Variants in KLHL1 observed in about 807,000 individuals in gnomAD.
The protein encoded by KLHL1 is kelch-like protein 1.
KLHL1 carries 47 observed loss-of-function variants against 77.7 expected under a neutral mutation model. The ratio of observed to expected loss-of-function variants is 0.60; its 90% CI spans 0.48 to 0.77. KLHL1 has a LOEUF of 0.77. Ranked by LOEUF, KLHL1 falls within the 30% of genes least tolerant of loss-of-function variation. The pLI, the probability that KLHL1 is intolerant of heterozygous loss-of-function variation, is 0.00. For missense variants in KLHL1, 925 were observed against 910.8 expected (o/e 1.02, Z -0.20); for synonymous variants, 360 against 325.2 (o/e 1.11, Z -1.15).
chr13:69,880,613 AAC>A (rs1880951521), intron 5 of KLHL1, among the ~76,000 whole-genome samples: 1 of 152,148 alleles, frequency 6.6e-6, no homozygotes. Flanking sequence ...TAGCCTTAGG[AAC>A]AAAAAAGCCA....
intron 4 of KLHL1, among the ~76,000 whole-genome samples, chr13:69,916,865 CAAA>C (rs1183904585): frequency 6.6e-6 from 1 of 150,944 alleles, no homozygotes; most frequent in Non-Finnish European, 1.5e-5. Context: ...TATTAAAAAA[CAAA>C]GAATCTTATC....
chr13:69,905,186 C>G (rs1037246203), intron 4 of KLHL1, among the ~76,000 whole-genome samples: 1 of 152,092 alleles, frequency 6.6e-6, no homozygotes, highest in Non-Finnish European at 1.5e-5. Context: ...CCTAGTCCAA[C>G]AGAATGTAAT....
chr13:70,065,325 C>G (rs6562608), intron 1 of KLHL1, among the ~76,000 whole-genome samples: 52,378 of 152,004 alleles, frequency 0.34, 10,094 homozygotes, highest in African/African-American at 0.53. Context: ...TTGCCTATAA[C>G]AGATGACAGT....
chr13:69,940,517 A>G (rs1321918654), intron 3 of KLHL1, among the ~76,000 whole-genome samples: 1 of 152,134 alleles, frequency 6.6e-6, no homozygotes, highest in Non-Finnish European at 1.5e-5. Flanking sequence ...TGATTGTGAA[A>G]TAAGGAAAAT....
intron 5 of KLHL1, among the ~76,000 whole-genome samples, chr13:69,851,505 T>C (rs2138132385): frequency 6.6e-6 from 1 of 151,950 alleles, no homozygotes; most frequent in South Asian, 2.1e-4. Context: ...GGAGACATTT[T>C]TGACTTTAGA....
intron 3 of KLHL1, among the ~76,000 whole-genome samples, chr13:69,956,969 G>C (rs1183994717): frequency 6.6e-6 from 1 of 151,612 alleles, no homozygotes; most frequent in African/African-American, 2.4e-5. Flanking sequence ...GAGGTGATTT[G>C]AACATAGAGT....
chr13:69,744,302 A>G (rs1489913690), intron 7 of KLHL1, among the ~76,000 whole-genome samples: 2 of 152,092 alleles, frequency 1.3e-5, no homozygotes, highest in African/African-American at 4.8e-5. Context: ...GGATGGGCTT[A>G]TCATTGGCTT....
At chr13:69,890,067 G>C (rs1352496537) in intron 4 of KLHL1, among the ~76,000 whole-genome samples, 4 of 151,936 alleles carry the variant, frequency 2.6e-5, no homozygotes, top group Non-Finnish European at 5.9e-5. Context: ...AAAAAGAAAG[G>C]CTCTGGCCTT....
intron 4 of KLHL1, among the ~76,000 whole-genome samples, chr13:69,937,410 C>A (rs1235675074): frequency 6.6e-6 from 1 of 152,078 alleles, no homozygotes; most frequent in Non-Finnish European, 1.5e-5. Context: ...ATTTTTTCAA[C>A]TTTTCTTCAT....
chr13:69,715,717 C>T (rs1399494240), intron 9 of KLHL1, among the ~76,000 whole-genome samples: 1 of 151,928 alleles, frequency 6.6e-6, no homozygotes, highest in Non-Finnish European at 1.5e-5. Flanking sequence ...TGCACAGTAA[C>T]AGAAAAACAA....
At chr13:70,061,423 G>C (rs1452593911) in intron 1 of KLHL1, among the ~76,000 whole-genome samples, 1 of 151,388 alleles carries the variant, frequency 6.6e-6, no homozygotes, top group Non-Finnish European at 1.5e-5. Context: ...TGCTTTATTG[G>C]AGTCACTTCC....
intron 6 of KLHL1, among the ~76,000 whole-genome samples, chr13:69,797,784 G>A (rs919433535): frequency 5.3e-5 from 8 of 149,708 alleles, no homozygotes; most frequent in Middle Eastern, 3.5e-3. Context: ...AGCAGAGATC[G>A]CGCCACTGCA....
At chr13:69,704,515 A>G (rs1054188243) in intron 10 of KLHL1, among the ~76,000 whole-genome samples, 5 of 151,558 alleles carry the variant, frequency 3.3e-5, no homozygotes, top group African/African-American at 4.8e-5. Flanking sequence ...CACTCCACAT[A>G]TTTTCATCTG....
chr13:69,968,366 T>C (rs1408631813), intron 2 of KLHL1, among the ~76,000 whole-genome samples: 1 of 149,560 alleles, frequency 6.7e-6, no homozygotes, highest in Non-Finnish European at 1.5e-5. Flanking sequence ...AACAAATATA[T>C]ATATAAATAT....
chr13:70,057,804 A>AG (rs1158908434), intron 1 of KLHL1, among the ~76,000 whole-genome samples: 15 of 149,016 alleles, frequency 1.0e-4, no homozygotes, highest in Non-Finnish European at 2.1e-4. Context: ...AAAAAAAAAA[A>AG]AGAAAGAAAG....
intron 6 of KLHL1, among the ~76,000 whole-genome samples, chr13:69,832,997 A>G (rs1353302305): frequency 6.6e-6 from 1 of 152,156 alleles, no homozygotes; most frequent in African/African-American, 2.4e-5. Flanking sequence ...GTCACTAAAA[A>G]TGTAGAAGAT....
At chr13:70,037,872 A>C (rs1336234429) in intron 1 of KLHL1, among the ~76,000 whole-genome samples, 1 of 152,090 alleles carries the variant, frequency 6.6e-6, no homozygotes, top group Non-Finnish European at 1.5e-5. Flanking sequence ...TGACAGACTC[A>C]TATTTCTTCA....
intron 8 of KLHL1, among the ~76,000 whole-genome samples, chr13:69,720,157 G>T (rs7997372): frequency 0.039 from 5,989 of 152,126 alleles, 389 homozygotes; most frequent in African/African-American, 0.14. Context: ...AACAATGTTA[G>T]TATGATTGAA....
chr13:69,943,643 TTTC>T (rs1234635875), intron 3 of KLHL1, among the ~76,000 whole-genome samples: 2 of 152,166 alleles, frequency 1.3e-5, no homozygotes, highest in Non-Finnish European at 2.9e-5. Flanking sequence ...TCAATTTTTG[TTTC>T]TTTTTGAAAT....
Sources: gnomAD v4.1 joint callset for allele counts (sites outside exome capture counted in the v4.1 genomes callset) on GRCh38, gnomAD v4.1.1 for gene constraint, MANE v1.5 for transcripts, NCBI Gene and HGNC (gene_info 2026-07-23, HGNC 2026-07-21) for gene names.